RPTOR: variants seen among roughly 807,000 people sequenced by gnomAD.
RPTOR encodes the protein regulatory associated protein of MTOR complex 1, also known as regulatory-associated protein of mTOR.
RPTOR carries 21 observed loss-of-function variants against 169.9 expected under a neutral mutation model. The observed-to-expected ratio is 0.12, with a 90% CI of 0.09 to 0.18. RPTOR has a LOEUF of 0.18. Ranked by LOEUF, RPTOR falls within the 10% of genes least tolerant of loss-of-function variation. The pLI is 1.00. For missense variants in RPTOR, 1,133 were observed against 1,855.9 expected (o/e 0.61, Z 7.16); for synonymous variants, 732 against 753.2 (o/e 0.97, Z 0.46).
chr17:80,885,162 C>T lies in RPTOR; in HGVS notation c.1983+14C>T, dbSNP rs1276586008. The T allele has an allele frequency of 6.5e-6, 10 of 1,549,618 alleles. No homozygotes were observed. The East Asian group carries it at 9.8e-5, about 15-fold the overall frequency. ...ATGGTCCGGAAGGTGCGTGAACCCCCAGCCCGGCAGCAGCAGGGCACCCAG... is the reference window on the plus strand; with the variant it reads ...ATGGTCCGGAAGGTGCGTGAACCCCTAGCCCGGCAGCAGCAGGGCACCCAG... On this transcript the variant is annotated intron_variant, in intron 17 of 33. Coordinates refer to ENST00000306801, the MANE Select transcript of RPTOR (RefSeq NM_020761.3).
At chr17:80,961,275 G>C in intron 30 of RPTOR, 119 bp from the exon 31 acceptor site, 1 of 883,716 alleles carries the variant, frequency 1.1e-6, no homozygotes, top group Non-Finnish European at 1.7e-6. Flanking sequence ...GGGAGCGGAC[G>C]GGCGAGGGCC....
chr17:80,895,809 C>T (rs1269452694), intron 20 of RPTOR, among the ~76,000 whole-genome samples: 2 of 152,222 alleles, frequency 1.3e-5, no homozygotes, highest in Non-Finnish European at 2.9e-5. Flanking sequence ...CTGGTGTCTC[C>T]TTGTGGCATG....
chr17:80,776,981 G>A (rs376389101), intron 6 of RPTOR, among the ~76,000 whole-genome samples: 139 of 152,346 alleles, frequency 9.1e-4, no homozygotes, highest in Middle Eastern at 3.4e-3. Flanking sequence ...GCTCACGCCT[G>A]TAATCCCAGC....
rs538749499 is a variant in RPTOR at position 80,774,039 on chromosome 17, T to C, written c.831-17411T>C. On this transcript the variant is annotated intron_variant, in intron 6 of 33. Transcript: ENST00000306801. Reference sequence around the variant, plus strand: ...GGCTTTAATGTAAACCATCACTCCCTGTTTTTCTATTTCTTCGTTGAAAGA... The same window carrying C: ...GGCTTTAATGTAAACCATCACTCCCCGTTTTTCTATTTCTTCGTTGAAAGA... The C allele has an allele frequency of 3.9e-5, 38 of 985,462 alleles. No individual in the cohort carries two copies. The African/African-American group carries it at 6.1e-4, about 16-fold the overall frequency. The allele number at this position is 985,462 out of a possible 1,614,324, so 61.0% of individuals were successfully genotyped here.
At chr17:80,897,990 G>A (rs1380298018) in intron 20 of RPTOR, among the ~76,000 whole-genome samples, 1 of 152,160 alleles carries the variant, frequency 6.6e-6, no homozygotes, top group East Asian at 1.9e-4. Context: ...GTCATTCCCT[G>A]TCCTCGGGGG....
intron 1 of RPTOR, among the ~76,000 whole-genome samples, chr17:80,614,461 C>A (rs985401730): frequency 5.9e-5 from 9 of 152,204 alleles, no homozygotes; most frequent in Admixed American, 2.0e-4. Context: ...ATATCTGATT[C>A]CTGTGTTGGC....
chr17:80,722,125 C>T (rs143954583), intron 4 of RPTOR, among the ~76,000 whole-genome samples: 1,741 of 151,086 alleles, frequency 0.012, 28 homozygotes, highest in Middle Eastern at 0.045. Flanking sequence ...AAAAGTTCTT[C>T]CTTTCCTTCC....
intron 3 of RPTOR, among the ~76,000 whole-genome samples, chr17:80,674,224 CAT>C (rs1247922764): frequency 2.0e-5 from 3 of 152,200 alleles, no homozygotes; most frequent in Non-Finnish European, 4.4e-5. Context: ...CCTGTTTACA[CAT>C]GTTATGGAAC....
At chr17:80,943,125 A>G (rs1359058202) in intron 25 of RPTOR, among the ~76,000 whole-genome samples, 1 of 152,236 alleles carries the variant, frequency 6.6e-6, no homozygotes, top group Admixed American at 6.5e-5. Flanking sequence ...CACACCAGGC[A>G]TCAGTGAGGC....
At chr17:80,731,799 A>G (rs952041836) in intron 5 of RPTOR, among the ~76,000 whole-genome samples, 1 of 152,246 alleles carries the variant, frequency 6.6e-6, no homozygotes. Context: ...TTCACATTTC[A>G]TCATAGAAAA....
rs2066336377 is a variant in RPTOR at position 80,726,517 on chromosome 17, A to C, written c.508-4043A>C. The stretch of plus-strand genomic sequence containing the variant: ...GATTTTGATTTTGGCAAATGTGGAA[A>C]ATAGATTTCAGCTCAAAAAGCAAGA... On this transcript the variant is annotated intron_variant, in intron 4 of 33. Transcript: ENST00000306801. The surrounding 1 kb of genome is among the most constrained non-coding windows in gnomAD (Gnocchi z 4.5). Among the ~76,000 whole-genome samples the C allele has an allele frequency of 6.6e-6, 1 of 152,234 alleles. No individual in the cohort carries two copies.
chr17:80,843,042 C>T (rs571100283), intron 10 of RPTOR, among the ~76,000 whole-genome samples: 1 of 152,338 alleles, frequency 6.6e-6, no homozygotes, highest in East Asian at 1.9e-4. Flanking sequence ...AGTCCCACAA[C>T]TTCGTTTTTT....
intron 3 of RPTOR, among the ~76,000 whole-genome samples, chr17:80,679,303 C>A (rs2065881504): frequency 6.6e-6 from 1 of 152,192 alleles, no homozygotes; most frequent in Non-Finnish European, 1.5e-5. Flanking sequence ...AAAGGCAGGT[C>A]TTTTGTGAAT....
intron 13 of RPTOR, among the ~76,000 whole-genome samples, chr17:80,869,653 T>C (rs1054552359): frequency 3.9e-5 from 6 of 152,112 alleles, no homozygotes; most frequent in Non-Finnish European, 8.8e-5. Context: ...GGGAGGAGTT[T>C]GACTCCAGAC....
At chr17:80,665,960 T>A (rs11653272) in intron 3 of RPTOR, among the ~76,000 whole-genome samples, 2 of 152,002 alleles carry the variant, frequency 1.3e-5, no homozygotes, top group Non-Finnish European at 2.9e-5. Flanking sequence ...TGAGTATCTC[T>A]CCCTCCCATC....
chr17:80,857,271 C>T (rs548582343), intron 12 of RPTOR, among the ~76,000 whole-genome samples: 1 of 152,394 alleles, frequency 6.6e-6, no homozygotes, highest in South Asian at 2.1e-4. Context: ...CTGCCTTTCC[C>T]AGGGCAGGCA....
intron 9 of RPTOR, among the ~76,000 whole-genome samples, chr17:80,825,876 C>T (rs952873803): frequency 7.2e-5 from 11 of 152,282 alleles, no homozygotes; most frequent in African/African-American, 2.4e-4. Flanking sequence ...CTTTCGGGCG[C>T]GTTCTTCTCC....
At chr17:80,706,580 T>C (rs913460134) in intron 3 of RPTOR, among the ~76,000 whole-genome samples, 2 of 152,218 alleles carry the variant, frequency 1.3e-5, no homozygotes, top group African/African-American at 2.4e-5. Flanking sequence ...TTCTGGACTT[T>C]GTGTGTGAGT....
chr17:80,664,872 A>G (rs779344279), intron 3 of RPTOR, among the ~76,000 whole-genome samples: 1 of 152,174 alleles, frequency 6.6e-6, no homozygotes, highest in Non-Finnish European at 1.5e-5. Flanking sequence ...TCTAAATTTT[A>G]TGTTTATATA....
Sources: allele counts gnomAD v4.1 joint callset (sites outside exome capture counted in the v4.1 genomes callset), GRCh38; gene constraint gnomAD v4.1.1; non-coding constraint Gnocchi (gnomAD v3.1); transcripts MANE v1.5; gene names NCBI Gene and HGNC (gene_info 2026-07-23, HGNC 2026-07-21).